RASGRF1: variants seen among roughly 807,000 people sequenced by gnomAD.
The protein encoded by RASGRF1 is ras-specific guanine nucleotide-releasing factor 1.
A neutral mutation model predicts 138.7 loss-of-function variants in RASGRF1; 40 were observed. The observed-to-expected ratio is 0.29, with a 90% CI of 0.22 to 0.38. RASGRF1 has a LOEUF of 0.38. Among genes scored for constraint, RASGRF1 ranks in the 10% least tolerant of loss-of-function variants. The probability of loss-of-function intolerance (pLI) is 1.00; values close to 1 mark genes in which losing one functional copy is unlikely to be tolerated. For missense variants in RASGRF1, 1,108 were observed against 1,650.4 expected (o/e 0.67, Z 5.69); for synonymous variants, 614 against 663.2 (o/e 0.93, Z 1.14).
intron 19 of RASGRF1, 86 bp from the exon 20 acceptor site, chr15:78,995,886 C>T (rs2056381895): frequency 2.3e-6 from 3 of 1,283,562 alleles, no homozygotes; most frequent in African/African-American, 2.9e-5. Context: ...ACGGCCTCTG[C>T]TCTTACGCCC....
At chr15:79,052,526 C>G (rs997235798) in intron 3 of RASGRF1, among the ~76,000 whole-genome samples, 1 of 152,126 alleles carries the variant, frequency 6.6e-6, no homozygotes, top group Non-Finnish European at 1.5e-5. Flanking sequence ...GAGCACCATG[C>G]CAAGTGCCCC....
chr15:79,034,270 C>T (rs1244799227), intron 6 of RASGRF1, among the ~76,000 whole-genome samples: 3 of 151,810 alleles, frequency 2.0e-5, no homozygotes, highest in South Asian at 2.1e-4. Context: ...TCACCTTTAT[C>T]TACCAAATTA....
In RASGRF1 at chr15:79,064,503, G is replaced by A; in HGVS notation, c.300C>T (p.Ser100=). 1 of 1,614,178 alleles carries A rather than the reference G, an allele frequency of 6.2e-7. No homozygotes were observed. Among genetic ancestry groups the A allele is most frequent in the East Asian group, 2.2e-5 (1 of 44,884 alleles). ...EKQHYFTVNF[S]HENQKALELR... is the part of the protein sequence containing the mutation. Reference sequence around the variant, plus strand: ...GCTCCAAGGCTTTCTGGTTCTCATGGCTGAAGTTCACCGTGAAGTAATGCT... The same window carrying A: ...GCTCCAAGGCTTTCTGGTTCTCATGACTGAAGTTCACCGTGAAGTAATGCT... The change falls in exon 2 of 27, where the codon AGC becomes AGT. Residue 100 remains serine, a synonymous_variant. Transcript: ENST00000558480.
rs761227352 is a variant in RASGRF1, at chr15:79,017,830, T to C, written c.1683A>G (p.Thr561=). ...GVEPKDSPPF[T]VILVASSRQE... ...GTCTGGACGAGGCCACTAGGATGACTGTAAAGGGCGGGGAATCCTTTGGCT... is the reference window on the plus strand; with the variant it reads ...GTCTGGACGAGGCCACTAGGATGACCGTAAAGGGCGGGGAATCCTTTGGCT... The change falls in exon 12 of 27, where the codon ACA becomes ACG. Residue 561 remains threonine (T), a synonymous_variant. Transcript: ENST00000558480. 120 of 1,612,994 alleles carry C rather than the reference T, an allele frequency of 7.4e-5. 4 individuals carry two copies. The South Asian group carries it at 1.3e-3, about 17-fold the overall frequency.
chr15:79,020,006 G>GCA (rs2056936884), intron 11 of RASGRF1, 35 bp downstream of exon 11: 10 of 1,608,920 alleles, frequency 6.2e-6, no homozygotes, highest in Non-Finnish European at 8.5e-6. Context: ...ATCTGTGCAA[G>GCA]CACACACATG....
intron 10 of RASGRF1, among the ~76,000 whole-genome samples, chr15:79,022,803 T>C (rs972384050): frequency 1.3e-5 from 2 of 152,228 alleles, no homozygotes; most frequent in Non-Finnish European, 2.9e-5. Context: ...TTGCTGGGTA[T>C]GTTAGCTCTG....
intron 8 of RASGRF1, among the ~76,000 whole-genome samples, chr15:79,030,268 A>G (rs1467973937): frequency 6.6e-6 from 1 of 152,092 alleles, no homozygotes; most frequent in Non-Finnish European, 1.5e-5. Flanking sequence ...TGCCCTGGGT[A>G]GGGCCGGGGC....
intron 23 of RASGRF1, chr15:78,984,710 T>C: frequency 2.4e-6 from 1 of 415,682 alleles, no homozygotes. Context: ...AAGCCACCAC[T>C]CTTGCCCCAA....
chr15:79,027,440 A>G lies in RASGRF1; in HGVS notation c.1381+301T>C, dbSNP rs2057075810. On this transcript the variant is annotated intron_variant, in intron 9 of 26. Transcript: ENST00000558480. This position sits in a 1 kb window ranked among gnomAD's most constrained non-coding sequence, Gnocchi z 4.8. ...GCCCCATACTTTCTCCCCAAAAAGG[A>G]CATGTCGATGTTTACTATGACATAC... Among the ~76,000 whole-genome samples the G allele has an allele frequency of 6.6e-6, 1 of 152,232 alleles. No homozygotes were observed. Among genetic ancestry groups the G allele is most frequent in the African/African-American group, 2.4e-5 (1 of 41,454 alleles).
chr15:78,998,265 G>T, intron 18 of RASGRF1, 57 bp from the exon 19 acceptor site: 2 of 1,418,048 alleles, frequency 1.4e-6, no homozygotes, highest in Non-Finnish European at 2.0e-6. Context: ...GCTCTGCAGT[G>T]GTCTGGGCCC....
intron 24 of RASGRF1, among the ~76,000 whole-genome samples, chr15:78,978,220 G>T (rs60851118): frequency 0.019 from 2,338 of 124,926 alleles, 129 homozygotes; most frequent in African/African-American, 0.087. Flanking sequence ...CTTTTCTTTT[G>T]TTTTTTTTTT....
intron 26 of RASGRF1, among the ~76,000 whole-genome samples, chr15:78,964,969 C>T (rs941005130): frequency 9.2e-5 from 14 of 152,116 alleles, no homozygotes; most frequent in African/African-American, 1.4e-4. Context: ...CCACCCTCCT[C>T]GGCCTCCCAA....
intron 24 of RASGRF1, among the ~76,000 whole-genome samples, chr15:78,974,614 A>G (rs1254742822): frequency 6.6e-6 from 1 of 152,174 alleles, no homozygotes; most frequent in Non-Finnish European, 1.5e-5. Flanking sequence ...GGTAAGAAAC[A>G]TTGGATTTTT....
intron 5 of RASGRF1, among the ~76,000 whole-genome samples, chr15:79,042,742 G>A (rs1182636682): frequency 1.3e-5 from 2 of 152,162 alleles, no homozygotes; most frequent in Non-Finnish European, 2.9e-5. Flanking sequence ...TGCCTCTGAG[G>A]ATCAGAAAGC....
chr15:79,017,699 A>C, intron 12 of RASGRF1, 71 bp downstream of exon 12: 21 of 1,454,376 alleles, frequency 1.4e-5, no homozygotes, highest in East Asian at 2.4e-5. Flanking sequence ...CCTACCTGCC[A>C]CCAGCCAAAT....
chr15:79,076,826 C>G (rs1228995581), intron 1 of RASGRF1, among the ~76,000 whole-genome samples: 1 of 152,202 alleles, frequency 6.6e-6, no homozygotes, highest in Non-Finnish European at 1.5e-5. Flanking sequence ...GATTCCTGAC[C>G]AAGAACTCTC....
chr15:78,993,134 G>GGT (rs369757082), intron 20 of RASGRF1, among the ~76,000 whole-genome samples: 1 of 141,780 alleles, frequency 7.1e-6, no homozygotes, highest in Non-Finnish European at 1.6e-5. Context: ...GTGTATGTGG[G>GGT]GTGTGTGTGT....
intron 2 of RASGRF1, among the ~76,000 whole-genome samples, chr15:79,061,477 C>T (rs982438161): frequency 2.9e-5 from 4 of 138,530 alleles, no homozygotes; most frequent in Non-Finnish European, 6.1e-5. Flanking sequence ...TTGTAGAAAG[C>T]GTAGGTCTTA....
At chr15:79,066,577 C>T (rs1221452985) in intron 1 of RASGRF1, among the ~76,000 whole-genome samples, 1 of 152,226 alleles carries the variant, frequency 6.6e-6, no homozygotes, top group Non-Finnish European at 1.5e-5. Context: ...CCTACTGGGT[C>T]ACCAGGGGAC....
Sources: gnomAD v4.1 joint callset for allele counts (sites outside exome capture counted in the v4.1 genomes callset) on GRCh38, gnomAD v4.1.1 for gene constraint, Gnocchi (gnomAD v3.1) non-coding constraint, MANE v1.5 for transcripts, NCBI Gene and HGNC (gene_info 2026-07-23, HGNC 2026-07-21) for gene names.